Variants in COL12A1 observed in about 807,000 individuals in gnomAD.
COL12A1 encodes collagen alpha-1(XII) chain.
A neutral mutation model predicts 349.7 loss-of-function variants in COL12A1; 114 were observed. That is an observed-to-expected ratio of 0.33 (90% CI 0.28 to 0.38). COL12A1 has a LOEUF of 0.38. Among genes scored for constraint, COL12A1 ranks in the 10% least tolerant of loss-of-function variants. The pLI, the probability that COL12A1 is intolerant of heterozygous loss-of-function variation, is 1.00. For missense variants in COL12A1, 3,284 were observed against 3,756.9 expected, an observed-to-expected ratio of 0.87 and a Z score of 3.29; for synonymous variants, 1,369 against 1,329.0, an observed-to-expected ratio of 1.03 and a Z score of -0.66.
chr6:75,145,674 C>G (rs2149406289), intron 24 of COL12A1, among the ~76,000 whole-genome samples: 1 of 150,084 alleles, frequency 6.7e-6, no homozygotes, highest in South Asian at 2.1e-4. Context: ...CTCAGTCACC[C>G]AGGCTGGAGT....
At chr6:75,171,689 T>A (rs1426730001) in intron 13 of COL12A1, among the ~76,000 whole-genome samples, 2 of 152,228 alleles carry the variant, frequency 1.3e-5, no homozygotes, top group Non-Finnish European at 2.9e-5. Flanking sequence ...AGCAGTTGCC[T>A]GGCTCTGTTT....
intron 2 of COL12A1, among the ~76,000 whole-genome samples, chr6:75,200,808 C>T (rs2149490507): frequency 6.6e-6 from 1 of 152,138 alleles, no homozygotes; most frequent in African/African-American, 2.4e-5. Flanking sequence ...ATGTGGCTTA[C>T]ATTTGTGGCT....
chr6:75,193,498 T>C (rs904362974), intron 3 of COL12A1, among the ~76,000 whole-genome samples: 4 of 152,202 alleles, frequency 2.6e-5, no homozygotes, highest in African/African-American at 2.4e-5. Context: ...ACATCTTCCA[T>C]CTCTACTGTC....
chr6:75,124,251 A>T lies in COL12A1; in HGVS notation c.6724+4T>A. ...GATCATTTTTTTCTTTTTTACACAC[A>T]TACCATCTGCAGGGCTTAGTTTTAG... On this transcript the variant is annotated splice_donor_region_variant and intron_variant, in intron 41 of 65. Transcript: ENST00000322507. The T allele has an allele frequency of 6.2e-7, 1 of 1,610,782 alleles. No homozygotes were observed. The highest frequency in any genetic ancestry group is 8.5e-7 in the Non-Finnish European group (1 of 1,178,514).
At chr6:75,200,757 C>A (rs1367233863) in intron 2 of COL12A1, among the ~76,000 whole-genome samples, 3 of 151,854 alleles carry the variant, frequency 2.0e-5, no homozygotes, top group African/African-American at 7.3e-5. Context: ...GTTTCTTTTT[C>A]CATTTTGAAT....
intron 58 of COL12A1, among the ~76,000 whole-genome samples, chr6:75,100,234 G>A (rs1768245365): frequency 6.6e-6 from 1 of 152,172 alleles, no homozygotes; most frequent in Non-Finnish European, 1.5e-5. Flanking sequence ...GCCTGATGGT[G>A]ATGGCTGTCT....
intron 14 of COL12A1, among the ~76,000 whole-genome samples, chr6:75,163,397 C>A (rs1768119627): frequency 2.0e-5 from 3 of 152,114 alleles, no homozygotes; most frequent in African/African-American, 7.2e-5. Context: ...ACATTCTCAG[C>A]ATACTAATGC....
At chr6:75,148,290 C>T in intron 22 of COL12A1, 68 bp downstream of exon 22, 1 of 1,477,216 alleles carries the variant, frequency 6.8e-7, no homozygotes, top group African/African-American at 1.4e-5. Context: ...ACATTATTCT[C>T]AGAGTCCTAA....
intron 23 of COL12A1, among the ~76,000 whole-genome samples, chr6:75,146,600 C>A (rs1206981376): frequency 2.6e-5 from 4 of 152,056 alleles, no homozygotes; most frequent in Admixed American, 6.6e-5. Context: ...AATCACAGAA[C>A]TTTATATATA....
chr6:75,184,219 C>T (rs2149467723), intron 8 of COL12A1, 75 bp from the exon 9 acceptor site: 2 of 1,404,834 alleles, frequency 1.4e-6, no homozygotes, highest in African/African-American at 2.9e-5. Flanking sequence ...AGGTTTGGAC[C>T]TTCAAATCTC....
Position 75,147,761 on chromosome 6 carries a change from A to T in COL12A1, c.4331T>A (p.Leu1444Gln). ...RMETSTVLKDLKPETEYVVNV... is the reference protein window; with the variant it reads ...RMETSTVLKDQKPETEYVVNV... ...GACAACATATTCAGTTTCAGGTTTC[A>T]GATCTTTCAGCACTGTGCTAGTTTC... Residue 1444 changes from leucine to glutamine, a missense_variant, in exon 23 of 66, where the codon CTG becomes CAG. This residue lies in a region of COL12A1 where 2,601 missense variants were observed against 2,824.8 expected (regional missense o/e 0.92). Transcript: ENST00000322507. 1 of 1,613,662 alleles carries T rather than the reference A, an allele frequency of 6.2e-7. No homozygotes were observed. Among genetic ancestry groups the T allele is most frequent in the Non-Finnish European group, 8.5e-7 (1 of 1,179,662 alleles).
intron 3 of COL12A1, among the ~76,000 whole-genome samples, chr6:75,193,769 T>A (rs950535264): frequency 1.3e-5 from 2 of 148,564 alleles, no homozygotes; most frequent in African/African-American, 4.9e-5. Flanking sequence ...ATGTTCCCCT[T>A]CCTGTGTCCA....
chr6:75,202,890 A>T (rs2149492756), intron 1 of COL12A1, 63 bp from the exon 2 acceptor site: 2 of 1,135,654 alleles, frequency 1.8e-6, no homozygotes, highest in East Asian at 2.6e-5. Context: ...CCAGGTTAGA[A>T]CTGGAGCCTG....
chr6:75,173,379 T>C (rs570598517), intron 13 of COL12A1, among the ~76,000 whole-genome samples: 1 of 151,938 alleles, frequency 6.6e-6, no homozygotes, highest in African/African-American at 2.4e-5. Flanking sequence ...ACTATTATTA[T>C]TATTTTTTTT....
chr6:75,125,721 CTCTT>C (rs1051304875), intron 39 of COL12A1, among the ~76,000 whole-genome samples: 3 of 151,962 alleles, frequency 2.0e-5, no homozygotes, highest in African/African-American at 4.8e-5. Context: ...TTTTTAAGTT[CTCTT>C]TCTATTTCTT....
intron 35 of COL12A1, 78 bp downstream of exon 35, chr6:75,131,862 C>G: frequency 6.6e-7 from 1 of 1,519,094 alleles, no homozygotes; most frequent in Non-Finnish European, 9.0e-7. Context: ...GGTTTGTGTT[C>G]TCCCAGGCTA....
chr6:75,103,205 T>G (rs1768385065), intron 55 of COL12A1, among the ~76,000 whole-genome samples: 1 of 152,214 alleles, frequency 6.6e-6, no homozygotes, highest in Non-Finnish European at 1.5e-5. Flanking sequence ...AGCATCCTAA[T>G]CTTGCCCTTT....
In COL12A1 at chr6:75,152,168, C is replaced by G. The variant is rs1210652893; in HGVS notation, c.3798G>C (p.Val1266=). 1.9e-6 allele frequency: 3 copies of G among 1,613,684 alleles called. No homozygotes were observed. The Admixed American group carries it at 5.0e-5, about 27-fold the overall frequency. The change falls in exon 19 of 66, where the codon GTG becomes GTC. Residue 1266 remains valine, a synonymous_variant. Transcript: ENST00000322507. ...TGCCTCCTTTGTACGGCAAGTTTGC[C>G]ACAGCTTGCAACAAGCTCTTCTTGT... ...HRDKKSLLQA[V]ANLPYKGGNT...
chr6:75,131,981 C>T lies in COL12A1; in HGVS notation c.5896G>A (p.Val1966Ile), dbSNP rs1244436929. 1.3e-5 allele frequency: 21 copies of T among 1,613,988 alleles called. No homozygotes were observed. Among genetic ancestry groups the T allele is most frequent in the African/African-American group, 6.7e-5 (5 of 74,884 alleles). ...GTGCCATCCACAGGAGAATACACAACGCGATATTGCAGCACAGGTCCTGGA... is the reference window on the plus strand; with the variant it reads ...GTGCCATCCACAGGAGAATACACAATGCGATATTGCAGCACAGGTCCTGGA... ...PAPGPVLQYR[V>I]VYSPVDGTRP... The change falls in exon 35 of 66, where the codon GTT (valine) becomes ATT (isoleucine). Residue 1966 changes from valine (V) to isoleucine (I), a missense_variant. Val to Ile is a conservative substitution (Grantham distance 29, BLOSUM62 3). Transcript: ENST00000322507.
Sources: allele counts gnomAD v4.1 joint callset (sites outside exome capture counted in the v4.1 genomes callset), GRCh38; gene constraint gnomAD v4.1.1; regional missense constraint gnomAD v4.1.1; transcripts MANE v1.5; gene names NCBI Gene and HGNC (gene_info 2026-07-23, HGNC 2026-07-21).